The following JAZF1 variants were observed in gnomAD, a reference collection of about 807,000 sequenced individuals.
JAZF1 encodes juxtaposed with another zinc finger protein 1.
A neutral mutation model predicts 26.4 loss-of-function variants in JAZF1; 8 were observed. The ratio of observed to expected loss-of-function variants is 0.30; its 90% CI spans 0.18 to 0.55. The LOEUF (loss-of-function observed/expected upper bound fraction) is 0.55, where lower values mean the gene tolerates loss of function less well. JAZF1 is among the 20% of genes least tolerant of loss of function. The pLI is 0.94. For synonymous variants in JAZF1, 126 were observed against 122.3 expected, an observed-to-expected ratio of 1.03 and a Z score of -0.20; for missense variants, 199 against 322.0, an observed-to-expected ratio of 0.62 and a Z score of 2.92.
chr7:28,102,664 G>C (rs1233831841), intron 1 of JAZF1, among the ~76,000 whole-genome samples: 1 of 152,046 alleles, frequency 6.6e-6, no homozygotes, highest in Admixed American at 6.5e-5. Flanking sequence ...TTGTAAACAT[G>C]GTAGGTTCTG....
At chr7:28,071,854 T>C (rs1042736085) in intron 1 of JAZF1, among the ~76,000 whole-genome samples, 13 of 152,240 alleles carry the variant, frequency 8.5e-5, no homozygotes, top group African/African-American at 2.7e-4. Flanking sequence ...AGCGATTCCA[T>C]GTTTAACAAG....
chr7:27,966,803 A>G (rs779877028), intron 2 of JAZF1, among the ~76,000 whole-genome samples: 2 of 152,184 alleles, frequency 1.3e-5, no homozygotes, highest in Non-Finnish European at 2.9e-5. Context: ...CCTTCTACTT[A>G]TTTCTTAATT....
chr7:28,127,778 T>C (rs1014578611), intron 1 of JAZF1, among the ~76,000 whole-genome samples: 3 of 152,090 alleles, frequency 2.0e-5, no homozygotes, highest in African/African-American at 4.8e-5. Flanking sequence ...TGCAACCTTC[T>C]TCACACGGCA....
In JAZF1 at chr7:27,861,783, G is replaced by T. The variant is rs116440746; in HGVS notation, c.386-20916C>A. Among the ~76,000 whole-genome samples, 1,027 of 152,304 alleles carry T rather than the reference G, an allele frequency of 6.7e-3. 14 individuals carry two copies. Among genetic ancestry groups the T allele is most frequent in the African/African-American group, 0.023 (967 of 41,552 alleles). The stretch of plus-strand genomic sequence containing the variant: ...AGCAGATTGGATGCTCTGGTGCATA[G>T]GTGGGTCTATCAAATGGTGAAGGTC... On this transcript the variant is annotated intron_variant, in intron 3 of 4. Coordinates refer to ENST00000283928, the MANE Select transcript of JAZF1 (RefSeq NM_175061.4).
chr7:28,034,800 T>G (rs1318083475), intron 1 of JAZF1, among the ~76,000 whole-genome samples: 1 of 152,154 alleles, frequency 6.6e-6, no homozygotes, highest in Non-Finnish European at 1.5e-5. Flanking sequence ...GAGATCTGGA[T>G]GAAATATCAA....
At chr7:27,903,547 T>C (rs1284082717) in intron 2 of JAZF1, among the ~76,000 whole-genome samples, 1 of 152,140 alleles carries the variant, frequency 6.6e-6, no homozygotes, top group Admixed American at 6.5e-5. Flanking sequence ...CACAGGCAAA[T>C]TCAAGAAGAC....
At chr7:27,982,899 C>A (rs1355840642) in intron 2 of JAZF1, among the ~76,000 whole-genome samples, 2 of 152,136 alleles carry the variant, frequency 1.3e-5, no homozygotes, top group African/African-American at 4.8e-5. Flanking sequence ...AGAAGGAAAA[C>A]TAACAAACAG....
chr7:27,921,028 T>C (rs984204445), intron 2 of JAZF1, among the ~76,000 whole-genome samples: 3 of 152,250 alleles, frequency 2.0e-5, no homozygotes, highest in Non-Finnish European at 2.9e-5. Context: ...TATTTATGTG[T>C]GTAAGCGCTT....
intron 2 of JAZF1, among the ~76,000 whole-genome samples, chr7:27,943,174 G>T (rs533612867): frequency 6.6e-6 from 1 of 152,172 alleles, no homozygotes; most frequent in African/African-American, 2.4e-5. Context: ...TCCCAGAATA[G>T]AAGGGGACTG....
At chr7:28,121,636 A>G (rs2127938124) in intron 1 of JAZF1, among the ~76,000 whole-genome samples, 1 of 152,336 alleles carries the variant, frequency 6.6e-6, no homozygotes, top group Middle Eastern at 3.4e-3. Flanking sequence ...CCTAATAATG[A>G]AAGTCAAATT....
At chr7:28,027,605 G>A (rs1284371114) in intron 1 of JAZF1, among the ~76,000 whole-genome samples, 1 of 152,126 alleles carries the variant, frequency 6.6e-6, no homozygotes, top group African/African-American at 2.4e-5. Context: ...AGAGTGGGGA[G>A]AGCACTCTCA....
At chr7:28,168,929 C>G (rs1284684071) in intron 1 of JAZF1, among the ~76,000 whole-genome samples, 1 of 152,248 alleles carries the variant, frequency 6.6e-6, no homozygotes, top group Non-Finnish European at 1.5e-5. Context: ...TAGGCTCTGA[C>G]TCAGAACCCG....
At chr7:27,981,762 C>G (rs1785590257) in intron 2 of JAZF1, among the ~76,000 whole-genome samples, 1 of 152,120 alleles carries the variant, frequency 6.6e-6, no homozygotes, top group Non-Finnish European at 1.5e-5. Context: ...TTAAAAATTA[C>G]TCACTTTCTC....
chr7:28,077,946 C>T (rs1784079275), intron 1 of JAZF1, among the ~76,000 whole-genome samples: 1 of 152,134 alleles, frequency 6.6e-6, no homozygotes, highest in African/African-American at 2.4e-5. Flanking sequence ...CTATTTAAGA[C>T]CCACTATGTA....
At chr7:28,175,656 G>A (rs1391841164) in intron 1 of JAZF1, among the ~76,000 whole-genome samples, 2 of 152,154 alleles carry the variant, frequency 1.3e-5, no homozygotes, top group African/African-American at 4.8e-5. Flanking sequence ...CCTTCATCTC[G>A]AGTTCAGTTA....
intron 3 of JAZF1, among the ~76,000 whole-genome samples, chr7:27,889,579 A>G (rs1783933227): frequency 6.6e-6 from 1 of 152,226 alleles, no homozygotes; most frequent in Admixed American, 6.5e-5. Context: ...AATAATATTC[A>G]TCTTCCTATC....
chr7:28,022,743 CTGTTGTTGTTGTT>C (rs1375746377), intron 1 of JAZF1, among the ~76,000 whole-genome samples: 1 of 151,992 alleles, frequency 6.6e-6, no homozygotes, highest in African/African-American at 2.4e-5. Flanking sequence ...TAATATTTCA[CTGTTGTTGTTGTT>C]TTTGTTGTTG....
At chr7:28,142,184 CT>C (rs1265669875) in intron 1 of JAZF1, among the ~76,000 whole-genome samples, 1 of 152,154 alleles carries the variant, frequency 6.6e-6, no homozygotes, top group Non-Finnish European at 1.5e-5. Flanking sequence ...TTCGTAAATG[CT>C]ACTGCCCATA....
intron 3 of JAZF1, among the ~76,000 whole-genome samples, chr7:27,874,277 A>T (rs886832406): frequency 2.6e-5 from 4 of 152,228 alleles, no homozygotes; most frequent in Admixed American, 6.5e-5. Context: ...GAGGGGGCAG[A>T]AGACTGTTAC....
Sources: gnomAD v4.1 joint callset for allele counts (sites outside exome capture counted in the v4.1 genomes callset) on GRCh38, gnomAD v4.1.1 for gene constraint, MANE v1.5 for transcripts, NCBI Gene and HGNC (gene_info 2026-07-23, HGNC 2026-07-21) for gene names.